Variants in THSD4 observed in about 807,000 individuals in gnomAD.
THSD4 encodes thrombospondin type 1 domain containing 4, also known as thrombospondin type-1 domain-containing protein 4.
Under a neutral mutation model 119.0 loss-of-function variants are expected in THSD4, and 69 were observed. The ratio of observed to expected loss-of-function variants is 0.58; its 90% CI spans 0.48 to 0.71. THSD4 has a LOEUF of 0.71. Ranked by LOEUF, THSD4 falls within the 30% of genes least tolerant of loss-of-function variation. THSD4 has a pLI of 0.00. For synonymous variants in THSD4, 524 were observed against 540.4 expected (o/e 0.97, Z 0.42); for missense variants, 1,393 against 1,391.1 (o/e 1.00, Z -0.02).
intron 8 of THSD4, among the ~76,000 whole-genome samples, chr15:71,677,554 C>G (rs2051678317): frequency 6.6e-6 from 1 of 152,216 alleles, no homozygotes; most frequent in East Asian, 1.9e-4. Context: ...TAGGACAGCT[C>G]TGATGTCCTT....
intron 7 of THSD4, among the ~76,000 whole-genome samples, chr15:71,474,589 C>G (rs1421775290): frequency 2.6e-5 from 4 of 152,104 alleles, no homozygotes; most frequent in Non-Finnish European, 5.9e-5. Flanking sequence ...ACCGTTGTAC[C>G]AGCTGTTTTC....
At chr15:71,099,079 T>A (rs963397119) in intron 1 of THSD4, among the ~76,000 whole-genome samples, 1 of 152,046 alleles carries the variant, frequency 6.6e-6, no homozygotes, top group Non-Finnish European at 1.5e-5. Flanking sequence ...TTTAAGAGAG[T>A]CAGGGATGGG....
At chr15:71,441,875 T>C (rs944605532) in intron 7 of THSD4, among the ~76,000 whole-genome samples, 57 of 152,154 alleles carry the variant, frequency 3.7e-4, no homozygotes, top group African/African-American at 1.4e-3. Context: ...AGACGGTGCA[T>C]AAAAGAGCCC....
chr15:71,688,705 C>CTGTGTGTG (rs1445931183), intron 8 of THSD4, among the ~76,000 whole-genome samples: 14 of 86,086 alleles, frequency 1.6e-4, no homozygotes, highest in Non-Finnish European at 2.5e-4. Flanking sequence ...TGTTTTGTAT[C>CTGTGTGTG]TCTGTGTGTG....
At chr15:71,241,099 AATGTTTC>A (rs1438496040) in intron 4 of THSD4, among the ~76,000 whole-genome samples, 3 of 152,200 alleles carry the variant, frequency 2.0e-5, no homozygotes, top group Non-Finnish European at 4.4e-5. Flanking sequence ...GGCAGAAATC[AATGTTTC>A]ACCTTGATTG....
intron 7 of THSD4, among the ~76,000 whole-genome samples, chr15:71,570,927 A>G (rs1282410656): frequency 6.6e-6 from 1 of 152,100 alleles, no homozygotes; most frequent in African/African-American, 2.4e-5. Context: ...TCATTTTCAC[A>G]TTAGCAGTTG....
intron 6 of THSD4, among the ~76,000 whole-genome samples, chr15:71,275,385 G>A (rs1392750132): frequency 6.6e-6 from 1 of 152,162 alleles, no homozygotes; most frequent in Non-Finnish European, 1.5e-5. Context: ...CTCACTCTCC[G>A]AGCAGAGGTC....
At chr15:71,119,332 TGGCGTTTTTAAGATTACCTCA>T (rs2141351592) in intron 1 of THSD4, among the ~76,000 whole-genome samples, 1 of 152,318 alleles carries the variant, frequency 6.6e-6, no homozygotes, top group Non-Finnish European at 1.5e-5. Context: ...GCTCGAGAAC[TGGCGTTTTTAAGATTACCTCA>T]GGCGATTCTT....
intron 7 of THSD4, among the ~76,000 whole-genome samples, chr15:71,501,658 C>T (rs2048114417): frequency 6.6e-6 from 1 of 152,220 alleles, no homozygotes; most frequent in South Asian, 2.1e-4. Flanking sequence ...TTTTGAACAG[C>T]TAATGTTTGA....
In THSD4 at chr15:71,215,050, G is replaced by C; in HGVS notation, c.115G>C (p.Ala39Pro). The change falls in exon 4 of 18, where the codon GCG becomes CCG. Residue 39 changes from alanine (A) to proline (P), a missense_variant. Coordinates refer to ENST00000261862, the MANE Select transcript of THSD4 (RefSeq NM_024817.3). The stretch of plus-strand genomic sequence containing the variant: ...GTCTCCGCAGGTCCCGCAGCGGATG[G>C]CGGCGGAGGGCGCCCCCGAGGACGA... ...TQHRKVPQRMAAEGAPEDDGG... is the reference protein window; with the variant it reads ...TQHRKVPQRMPAEGAPEDDGG... 2 of 1,291,176 alleles carry C rather than the reference G, an allele frequency of 1.5e-6. No homozygotes were observed. The highest frequency in any genetic ancestry group is 2.0e-6 in the Non-Finnish European group (2 of 1,015,164). The allele number at this position is 1,291,176 out of a possible 1,614,324, so 80.0% of individuals were successfully genotyped here.
At chr15:71,262,042 G>A (rs2044406238) in intron 6 of THSD4, among the ~76,000 whole-genome samples, 1 of 152,168 alleles carries the variant, frequency 6.6e-6, no homozygotes, top group Non-Finnish European at 1.5e-5. Flanking sequence ...TTTACGGCTG[G>A]ATTTTGCATC....
chr15:71,111,103 A>G (rs564253627), upstream of THSD4: 1 of 1,553,894 alleles, frequency 6.4e-7, no homozygotes, highest in East Asian at 2.3e-5. Context: ...AATAATCTGA[A>G]TATCTGGGAT....
At chr15:71,123,640 G>C (rs1325325026) in intron 1 of THSD4, among the ~76,000 whole-genome samples, 1 of 152,222 alleles carries the variant, frequency 6.6e-6, no homozygotes, top group Non-Finnish European at 1.5e-5. Context: ...TGATAAACAT[G>C]CCGTAGAGAG....
intron 7 of THSD4, among the ~76,000 whole-genome samples, chr15:71,518,812 T>G (rs1165660786): frequency 6.6e-6 from 1 of 152,180 alleles, no homozygotes; most frequent in African/African-American, 2.4e-5. Flanking sequence ...TGTTCTGTGT[T>G]GGTTTATTCA....
At chr15:71,464,893 C>T (rs952399861) in intron 7 of THSD4, among the ~76,000 whole-genome samples, 3 of 152,180 alleles carry the variant, frequency 2.0e-5, no homozygotes, top group African/African-American at 7.2e-5. Flanking sequence ...CCCCCTCCCC[C>T]TTAAGTCCTC....
chr15:71,679,666 A>G (rs2051732777), intron 8 of THSD4, among the ~76,000 whole-genome samples: 1 of 152,240 alleles, frequency 6.6e-6, no homozygotes, highest in Non-Finnish European at 1.5e-5. Context: ...TTGACATTTG[A>G]GACTGCAAAT....
chr15:71,777,594 A>C lies in THSD4; in HGVS notation c.*220A>C, dbSNP rs190900355. ...GTCAGTCCTTTAAGCATCACCATGT[A>C]CTGATGATCCCCTCCTTGGACCTGG... On this transcript the variant is annotated 3_prime_UTR_variant, in exon 18 of 18. Coordinates refer to ENST00000261862, the MANE Select transcript of THSD4 (RefSeq NM_024817.3). The C allele has an allele frequency of 8.1e-5, 48 of 595,748 alleles. No homozygotes were observed. In the Admixed American group the frequency reaches 1.4e-3, roughly 18 times the overall value. 36.9% of individuals were successfully genotyped at this position (595,748 alleles called of 1,614,324 possible).
intron 7 of THSD4, among the ~76,000 whole-genome samples, chr15:71,528,483 A>T (rs529580650): frequency 1.3e-5 from 2 of 152,318 alleles, no homozygotes; most frequent in African/African-American, 4.8e-5. Flanking sequence ...TACTACTGCA[A>T]CCTTTAGTAG....
rs187783217 is a variant in THSD4 at position 71,731,268 on chromosome 15, C to T, written c.1630+51C>T. On this transcript the variant is annotated intron_variant, in intron 10 of 17. Transcript: ENST00000261862. Reference sequence around the variant, plus strand: ...GGACTCTGGTCATTTCCTTGTAAAGCCTTCTCTCTCTCAATTCTTGTGCAT... The same window carrying T: ...GGACTCTGGTCATTTCCTTGTAAAGTCTTCTCTCTCTCAATTCTTGTGCAT... 665 of 1,536,878 alleles carry T rather than the reference C, an allele frequency of 4.3e-4. 3 individuals carry two copies. In the African/African-American group the frequency reaches 8.1e-3, roughly 19 times the overall value.
Sources: gnomAD v4.1 joint callset for allele counts (sites outside exome capture counted in the v4.1 genomes callset) on GRCh38, gnomAD v4.1.1 for gene constraint, MANE v1.5 for transcripts, NCBI Gene and HGNC (gene_info 2026-07-23, HGNC 2026-07-21) for gene names.